Variants in SLC17A5 observed in about 807,000 individuals in gnomAD.
SLC17A5 encodes solute carrier family 17 member 5.
Under a neutral mutation model 59.4 loss-of-function variants are expected in SLC17A5, and 47 were observed. That is an observed-to-expected ratio of 0.79 (90% CI 0.63 to 1.01). The LOEUF is 1.01. SLC17A5 is among the 50% of genes least tolerant of loss of function. The pLI is 0.00. For synonymous variants in SLC17A5, 202 were observed against 210.7 expected (o/e 0.96, Z 0.36); for missense variants, 522 against 595.5 (o/e 0.88, Z 1.28).
rs554678087 is a variant in SLC17A5 at position 73,595,228 on chromosome 6, C to T, written c.1351-14G>A. The T allele has an allele frequency of 6.2e-7, 1 of 1,613,570 alleles. No homozygotes were observed. Among genetic ancestry groups the T allele is most frequent in the African/African-American group, 1.3e-5 (1 of 74,958 alleles). ...TCCAACAGTGTTCTATAAAGGAAGA[C>T]AAAAAATGCAAGTGAAATAAAATTT... On this transcript the variant is annotated splice_polypyrimidine_tract_variant and intron_variant, in intron 10 of 10. Transcript: ENST00000355773.
intron 8 of SLC17A5, among the ~76,000 whole-genome samples, chr6:73,612,362 C>T (rs952539025): frequency 4.6e-5 from 7 of 151,928 alleles, no homozygotes; most frequent in Non-Finnish European, 2.9e-5. Context: ...CCATGTTGGC[C>T]AGCCTGGTTT....
rs967267901 is a variant in SLC17A5 at position 73,649,995 on chromosome 6, A to G, written c.94+3798T>C. On this transcript the variant is annotated intron_variant, in intron 1 of 10. Coordinates refer to ENST00000355773, the MANE Select transcript of SLC17A5 (RefSeq NM_012434.5). ...TGTGCTCAGGAGTAGGCACTAAGAA[A>G]GCAGATAGCTGGCACCGAGATGGAT... Among the ~76,000 whole-genome samples, 17 of 152,252 alleles carry G rather than the reference A, an allele frequency of 1.1e-4. 1 individual carries two copies. Among genetic ancestry groups the G allele is most frequent in the Admixed American group, 1.0e-3 (16 of 15,292 alleles).
chr6:73,621,786 A>T lies in SLC17A5; in HGVS notation c.978+18T>A, dbSNP rs973053817. ...CTTATACTATATATATAAGAAGCAG[A>T]TGATTATTTTTTCTTACCTCTTGAA... On this transcript the variant is annotated intron_variant, in intron 7 of 10. Transcript: ENST00000355773. 1.5e-5 allele frequency: 23 copies of T among 1,571,154 alleles called. No individual in the cohort carries two copies. The highest frequency in any genetic ancestry group is 2.0e-5 in the Non-Finnish European group (23 of 1,142,434).
At chr6:73,650,525 A>G (rs1372189924) in intron 1 of SLC17A5, among the ~76,000 whole-genome samples, 1 of 150,638 alleles carries the variant, frequency 6.6e-6, no homozygotes, top group East Asian at 1.9e-4. Context: ...AAAAAAAAAA[A>G]AAAAAAGAAA....
chr6:73,636,862 C>A (rs1291104145), intron 4 of SLC17A5, among the ~76,000 whole-genome samples, 155 bp from the exon 5 acceptor site: 1 of 152,090 alleles, frequency 6.6e-6, no homozygotes, highest in Non-Finnish European at 1.5e-5. Flanking sequence ...GGGTGGATCA[C>A]CTGAGCCTAG....
chr6:73,601,577 C>G (rs1767102823), intron 9 of SLC17A5, among the ~76,000 whole-genome samples: 1 of 93,662 alleles, frequency 1.1e-5, no homozygotes, highest in Admixed American at 9.2e-5. Flanking sequence ...TGCCCGGCCG[C>G]CCCTACTGGG....
intron 8 of SLC17A5, 117 bp downstream of exon 8, chr6:73,615,198 T>A (rs1335845381): frequency 1.7e-6 from 2 of 1,162,728 alleles, no homozygotes; most frequent in Non-Finnish European, 2.5e-6. Flanking sequence ...TGTTCTGTGT[T>A]GAGTATTGTG....
chr6:73,634,619 C>T (rs536590822), intron 6 of SLC17A5, among the ~76,000 whole-genome samples: 11 of 152,246 alleles, frequency 7.2e-5, no homozygotes, highest in South Asian at 4.1e-4. Context: ...GGGCTGATCT[C>T]GAACTCCTGA....
intron 9 of SLC17A5, 128 bp from the exon 10 acceptor site, chr6:73,600,569 G>A: frequency 4.0e-6 from 3 of 753,368 alleles, no homozygotes; most frequent in South Asian, 1.6e-5. Flanking sequence ...AGGGCAGTGG[G>A]ATGATCTCAG....
intron 7 of SLC17A5, among the ~76,000 whole-genome samples, chr6:73,621,000 A>ATTTTTTATTATTATT (rs35762085): frequency 2.7e-5 from 4 of 150,184 alleles, no homozygotes; most frequent in Admixed American, 1.3e-4. Flanking sequence ...TGCTGGGATT[A>ATTTTTTATTATTATT]ATTATTATTA....
intron 7 of SLC17A5, chr6:73,618,295 AAATAAAAT>A (rs1767969698): frequency 5.9e-6 from 1 of 170,830 alleles, no homozygotes. Context: ...AAATAAAATA[AAATAAAAT>A]AAAATGAGTT....
chr6:73,610,456 T>C lies in SLC17A5; in HGVS notation c.1203A>G (p.Thr401=). 1 of 1,614,120 alleles carries C rather than the reference T, an allele frequency of 6.2e-7. No homozygotes were observed. The highest frequency in any genetic ancestry group is 1.1e-5 in the South Asian group (1 of 91,078). The change falls in exon 9 of 11, where the codon ACA becomes ACG. Residue 401 remains threonine, a synonymous_variant. Coordinates refer to ENST00000355773, the MANE Select transcript of SLC17A5 (RefSeq NM_012434.5). The part of the protein sequence containing the change: ...LAVAFLTIST[T]LGGFCSSGFS... ...ATCCAGAAGAGCAAAAGCCTCCCAG[T>C]GTTGTTGATATAGTTAGGAAAGCAA...
intron 9 of SLC17A5, among the ~76,000 whole-genome samples, chr6:73,603,194 C>T (rs531162251): frequency 4.0e-5 from 6 of 151,824 alleles, no homozygotes; most frequent in Admixed American, 1.3e-4. Flanking sequence ...TACAGTGGCG[C>T]GATCTCAGCT....
At chr6:73,616,580 C>CACA (rs60454712) in intron 7 of SLC17A5, among the ~76,000 whole-genome samples, 3,527 of 100,130 alleles carry the variant, frequency 0.035, 148 homozygotes, top group African/African-American at 0.12. Context: ...CACACACACA[C>CACA]GTTTATTTTT....
chr6:73,643,151 T>G (rs1181274882), intron 2 of SLC17A5, among the ~76,000 whole-genome samples: 1 of 151,854 alleles, frequency 6.6e-6, no homozygotes, highest in East Asian at 1.9e-4. Flanking sequence ...ATTTATTTAT[T>G]TATTTATTTA....
At chr6:73,626,721 T>C (rs1181419424) in intron 6 of SLC17A5, among the ~76,000 whole-genome samples, 1 of 152,108 alleles carries the variant, frequency 6.6e-6, no homozygotes, top group Non-Finnish European at 1.5e-5. Flanking sequence ...TGAAAGAAAA[T>C]GAAGTGAAAC....
chr6:73,622,040 A>G, intron 6 of SLC17A5, 78 bp from the exon 7 acceptor site: 2 of 1,411,348 alleles, frequency 1.4e-6, no homozygotes, highest in Non-Finnish European at 2.0e-6. Flanking sequence ...CTAAAACTCT[A>G]TCCAGAATTC....
At chr6:73,650,213 A>AAG (rs1562002853) in intron 1 of SLC17A5, among the ~76,000 whole-genome samples, 14 of 136,880 alleles carry the variant, frequency 1.0e-4, no homozygotes, top group Admixed American at 7.8e-4. Flanking sequence ...AAAAAAAAAA[A>AAG]AAGAAAGAAA....
At chr6:73,638,534 G>A (rs1297393496) in intron 3 of SLC17A5, 35 bp from the exon 4 acceptor site, 6 of 1,523,398 alleles carry the variant, frequency 3.9e-6, no homozygotes, top group South Asian at 1.1e-5. Context: ...CTGATGAAAT[G>A]TAAGGTAGTT....
Sources: gnomAD v4.1 joint callset for allele counts (sites outside exome capture counted in the v4.1 genomes callset) on GRCh38, gnomAD v4.1.1 for gene constraint, MANE v1.5 for transcripts, NCBI Gene and HGNC (gene_info 2026-07-23, HGNC 2026-07-21) for gene names.